The following RYR2 variants were observed in gnomAD, a reference collection of about 807,000 sequenced individuals.
RYR2 encodes the protein ryanodine receptor 2.
Under a neutral mutation model 601.1 loss-of-function variants are expected in RYR2, and 227 were observed. That is an observed-to-expected ratio of 0.38 (90% confidence interval 0.34 to 0.42). The LOEUF is 0.42. Among genes scored for constraint, RYR2 ranks in the 10% least tolerant of loss-of-function variants. The pLI is 1.00. For synonymous variants in RYR2, 2,223 were observed against 2,175.1 expected (o/e 1.02, Z -0.61); for missense variants, 4,646 against 6,156.5 (o/e 0.75, Z 8.21).
At position 237,698,928 on chromosome 1, in the gene RYR2, T is replaced by C. The variant is rs762073318; in HGVS notation, c.9068-37T>C. On this transcript the variant is annotated intron_variant, in intron 63 of 104. Coordinates refer to ENST00000366574, the MANE Select transcript of RYR2 (RefSeq NM_001035.3). The stretch of plus-strand genomic sequence containing the variant: ...AGAAAAGAAGAACATTGAGAAATTC[T>C]CAGGGCAATTTATACAGCATTTTGT... 1.1e-5 allele frequency: 13 copies of C among 1,224,940 alleles called. No homozygotes were observed. The African/African-American group carries it at 1.7e-4, about 16-fold the overall frequency. The allele number at this position is 1,224,940 out of a possible 1,614,324, so 75.9% of individuals were successfully genotyped here. A position where few individuals can be genotyped will look rare whatever the true frequency, so the allele number is the denominator to read the frequency against.
intron 11 of RYR2, 21 bp from the exon 12 acceptor site, chr1:237,423,071 A>G: frequency 6.2e-7 from 1 of 1,604,564 alleles, no homozygotes; most frequent in East Asian, 2.2e-5. Context: ...TATTGGATCA[A>G]GTCCTAACTG....
chr1:237,614,148 C>T lies in RYR2; in HGVS notation c.5020C>T (p.His1674Tyr). ...VCALGNHRVA[H>Y]ALCSHVDEPQ... Reference sequence around the variant, plus strand: ...TGCTCTTGGGAACCACCGGGTGGCCCATGCCCTGTGCAGCCATGTGGATGA... The same window carrying T: ...TGCTCTTGGGAACCACCGGGTGGCCTATGCCCTGTGCAGCCATGTGGATGA... The change falls in exon 37 of 105, where the codon CAT becomes TAT. Residue 1674 changes from histidine (H) to tyrosine (Y), a missense_variant. His to Tyr is a moderately conservative substitution (Grantham distance 83). Transcript: ENST00000366574. This position sits in a 1 kb window ranked among gnomAD's most constrained non-coding sequence, Gnocchi z 4.3. 6.2e-7 allele frequency: 1 copy of T among 1,614,036 alleles called. No individual in the cohort carries two copies. Among genetic ancestry groups the T allele is most frequent in the Non-Finnish European group, 8.5e-7 (1 of 1,179,902 alleles).
rs186730160 is a variant in RYR2 at position 237,460,647 on chromosome 1, G to C, written c.1612+3912G>C. 5.9e-5 allele frequency among the ~76,000 whole-genome samples: 9 copies of C among 152,218 alleles called. No individual in the cohort carries two copies. The East Asian group carries it at 7.7e-4, about 13-fold the overall frequency. ...TTTCCATTGACTTTTCTGTAGCAGG[G>C]TGCATTTGGCTATCAAATTAGTGTA... On this transcript the variant is annotated intron_variant, in intron 16 of 104. Coordinates refer to ENST00000366574, the MANE Select transcript of RYR2 (RefSeq NM_001035.3).
intron 62 of RYR2, 92 bp from the exon 63 acceptor site, chr1:237,687,351 TTCTTTTTTCTTC>T: frequency 1.5e-6 from 1 of 683,342 alleles, no homozygotes; most frequent in East Asian, 2.9e-5. Context: ...CTGTTTTTTT[TTCTTTTTTCTTC>T]TTCTTTTTTT....
chr1:237,128,641 A>C (rs189440972), intron 1 of RYR2, among the ~76,000 whole-genome samples: 1 of 152,190 alleles, frequency 6.6e-6, no homozygotes, highest in Non-Finnish European at 1.5e-5. Context: ...GAAGAGTGAC[A>C]TGATCTCAGT....
intron 42 of RYR2, among the ~76,000 whole-genome samples, chr1:237,631,811 G>T (rs967042731): frequency 3.2e-4 from 48 of 151,138 alleles, no homozygotes; most frequent in African/African-American, 1.1e-3. Context: ...TGTGTTTTTA[G>T]TAGAGACGGG....
At chr1:237,092,229 C>T (rs1667032196) in intron 1 of RYR2, among the ~76,000 whole-genome samples, 2 of 152,074 alleles carry the variant, frequency 1.3e-5, no homozygotes, top group Admixed American at 1.3e-4. Context: ...ACCTGGTGTG[C>T]CGTGTAGAGT....
At chr1:237,124,020 A>G (rs1187836677) in intron 1 of RYR2, among the ~76,000 whole-genome samples, 2 of 152,300 alleles carry the variant, frequency 1.3e-5, no homozygotes, top group African/African-American at 2.4e-5. Context: ...AAACTGTTTT[A>G]TGTTATCATC....
At chr1:237,354,518 G>A (rs1205254416) in intron 3 of RYR2, among the ~76,000 whole-genome samples, 1 of 152,022 alleles carries the variant, frequency 6.6e-6, no homozygotes, top group Non-Finnish European at 1.5e-5. Flanking sequence ...ATATTAAAAG[G>A]AAGTCATTTA....
chr1:237,672,349 A>G (rs1422114547), intron 58 of RYR2, among the ~76,000 whole-genome samples: 1 of 152,192 alleles, frequency 6.6e-6, no homozygotes, highest in East Asian at 1.9e-4. Context: ...ATTACAAATT[A>G]AGTTGCCAAA....
intron 60 of RYR2, among the ~76,000 whole-genome samples, chr1:237,677,308 G>A (rs1458739268): frequency 1.3e-5 from 2 of 151,966 alleles, no homozygotes; most frequent in Admixed American, 6.6e-5. Context: ...TTATTACCTC[G>A]TCTATTAATA....
At position 237,099,880 on chromosome 1, in the gene RYR2, CAG is replaced by C. The variant is rs374394082; in HGVS notation, c.48+57316_48+57317del. Among the ~76,000 whole-genome samples, 161 of 152,102 alleles carry C rather than the reference CAG, an allele frequency of 1.1e-3. 1 individual carries two copies. Among genetic ancestry groups the C allele is most frequent in the African/African-American group, 3.8e-3 (157 of 41,486 alleles). ...CAATTTACAAATGTGGAAACTGAGG[CAG>C]AGAGGAGTTTTGTAAATTTCCCCAG... On this transcript the variant is annotated intron_variant, in intron 1 of 104. Coordinates refer to ENST00000366574, the MANE Select transcript of RYR2 (RefSeq NM_001035.3).
At chr1:237,594,126 T>A (rs1675541096) in intron 33 of RYR2, among the ~76,000 whole-genome samples, 1 of 152,230 alleles carries the variant, frequency 6.6e-6, no homozygotes, top group African/African-American at 2.4e-5. Flanking sequence ...CTGTGTGGCT[T>A]TGGGTAAGTC....
At chr1:237,208,272 A>G (rs1682038736) in intron 1 of RYR2, among the ~76,000 whole-genome samples, 1 of 152,212 alleles carries the variant, frequency 6.6e-6, no homozygotes, top group Non-Finnish European at 1.5e-5. Flanking sequence ...TGATTCTAGG[A>G]TTTCTTGACA....
At chr1:237,817,805 C>T (rs1311570909) in intron 100 of RYR2, among the ~76,000 whole-genome samples, 1 of 152,166 alleles carries the variant, frequency 6.6e-6, no homozygotes, top group Non-Finnish European at 1.5e-5. Context: ...TGTGGTGTTT[C>T]TGTGTTAAGG....
chr1:237,804,844 A>G (rs1660433627), intron 98 of RYR2, among the ~76,000 whole-genome samples: 1 of 152,214 alleles, frequency 6.6e-6, no homozygotes, highest in South Asian at 2.1e-4. Context: ...ATGAAAAGCA[A>G]AGAAGGGAAG....
At chr1:237,453,464 C>A (rs1028769916) in intron 14 of RYR2, among the ~76,000 whole-genome samples, 4 of 152,052 alleles carry the variant, frequency 2.6e-5, no homozygotes, top group African/African-American at 9.6e-5. Context: ...AATGTAAGTT[C>A]CAGCATAGTC....
chr1:237,416,005 A>G (rs189175741), intron 10 of RYR2, among the ~76,000 whole-genome samples: 1 of 152,224 alleles, frequency 6.6e-6, no homozygotes, highest in Admixed American at 6.5e-5. Flanking sequence ...TCCACAATAA[A>G]GATAGAATGA....
intron 78 of RYR2, 76 bp downstream of exon 78, chr1:237,732,225 T>A: frequency 2.4e-6 from 2 of 826,714 alleles, no homozygotes; most frequent in South Asian, 3.6e-5. Context: ...CTGTGCCATG[T>A]GTTCATGTTT....
Sources: allele counts gnomAD v4.1 joint callset (sites outside exome capture counted in the v4.1 genomes callset), GRCh38; gene constraint gnomAD v4.1.1; non-coding constraint Gnocchi (gnomAD v3.1); transcripts MANE v1.5; gene names NCBI Gene and HGNC (gene_info 2026-07-23, HGNC 2026-07-21).